SAFB: variants seen among roughly 807,000 people sequenced by gnomAD.
The protein encoded by SAFB is scaffold attachment factor B.
A neutral mutation model predicts 101.6 loss-of-function variants in SAFB; 15 were observed. The observed-to-expected ratio is 0.15, with a 90% CI of 0.10 to 0.23. The LOEUF (loss-of-function observed/expected upper bound fraction) is 0.23, where lower values mean the gene tolerates loss of function less well. Ranked by LOEUF, SAFB falls within the 10% of genes least tolerant of loss-of-function variation. The pLI is 1.00. For missense variants in SAFB, 930 were observed against 1,104.1 expected (o/e 0.84, Z 2.23); for synonymous variants, 449 against 407.5 (o/e 1.10, Z -1.23).
At chr19:5,643,540 C>G (rs972537746) in intron 4 of SAFB, among the ~76,000 whole-genome samples, 3 of 152,150 alleles carry the variant, frequency 2.0e-5, no homozygotes, top group African/African-American at 7.2e-5. Context: ...AAAGGAGTAG[C>G]AGAAACACTT....
At chr19:5,639,562 A>G (rs543979498) in intron 2 of SAFB, among the ~76,000 whole-genome samples, 63 of 151,810 alleles carry the variant, frequency 4.1e-4, no homozygotes, top group African/African-American at 1.5e-3. Flanking sequence ...GTGTAGTGGC[A>G]GGCGCCTGTA....
chr19:5,625,275 A>G (rs1354489110), intron 1 of SAFB, among the ~76,000 whole-genome samples: 1 of 152,212 alleles, frequency 6.6e-6, no homozygotes, highest in East Asian at 1.9e-4. Context: ...ACACCTGCCT[A>G]GGGCATTGCT....
At position 5,624,149 on chromosome 19, in the gene SAFB, G is replaced by A. The variant is rs1482100573; in HGVS notation, c.189+755G>A. On this transcript the variant is annotated intron_variant, in intron 1 of 20. Transcript: ENST00000588852. ...CTCCGTCAGTCTCTCTGGACTTGGG[G>A]ACCCTGCCAGCTCTCGGTGGCCTGA... 3 of 151,662 alleles carry A rather than the reference G, an allele frequency of 2.0e-5. No individual in the cohort carries two copies. The East Asian group carries it at 5.8e-4, about 30-fold the overall frequency. The allele number at this position is 151,662 out of a possible 1,614,324, so 9.4% of individuals were successfully genotyped here. A position where few individuals can be genotyped will look rare whatever the true frequency, so the allele number is the denominator to read the frequency against.
At chr19:5,635,418 G>A (rs1015756038) in intron 2 of SAFB, among the ~76,000 whole-genome samples, 11 of 152,096 alleles carry the variant, frequency 7.2e-5, no homozygotes, top group African/African-American at 2.4e-4. Flanking sequence ...TATAATGTAT[G>A]TAGATGCAAG....
At chr19:5,639,286 A>G (rs941698305) in intron 2 of SAFB, among the ~76,000 whole-genome samples, 1 of 152,230 alleles carries the variant, frequency 6.6e-6, no homozygotes, top group East Asian at 1.9e-4. Flanking sequence ...TTAAAACTTC[A>G]AAAGAACTAA....
chr19:5,634,216 T>C (rs1165904330), intron 2 of SAFB, among the ~76,000 whole-genome samples: 1 of 152,104 alleles, frequency 6.6e-6, no homozygotes, highest in Non-Finnish European at 1.5e-5. Context: ...TTCCTAGATA[T>C]GATGACTTTT....
rs750866144 is a variant in SAFB, at chr19:5,657,320, G to C, written c.1835G>C (p.Arg612Pro). The C allele has an allele frequency of 1.2e-6, 2 of 1,613,132 alleles. No homozygotes were observed. The highest frequency in any genetic ancestry group is 2.7e-5 in the African/African-American group (2 of 74,850). Residue 612 changes from arginine to proline, a missense_variant, in exon 14 of 21, where the codon CGG becomes CCG. Coordinates refer to ENST00000588852, the MANE Select transcript of SAFB (RefSeq NM_001201338.2). The part of the protein sequence containing the change: ...VVSFDKVKEP[R>P]KSRDSESHSR... Reference sequence around the variant, plus strand: ...TCCTTTGATAAGGTCAAGGAGCCTCGGAAGTCAAGAGACTCAGAGTCCCAT... The same window carrying C: ...TCCTTTGATAAGGTCAAGGAGCCTCCGAAGTCAAGAGACTCAGAGTCCCAT...
chr19:5,666,776 G>A, intron 17 of SAFB: 1 of 520,032 alleles, frequency 1.9e-6, no homozygotes, highest in South Asian at 2.2e-5. Context: ...ACTCCTGGTG[G>A]CCCTCCCAGC....
At chr19:5,650,915 T>C in intron 8 of SAFB, 63 bp from the exon 9 acceptor site, 2 of 1,050,202 alleles carry the variant, frequency 1.9e-6, no homozygotes, top group South Asian at 1.5e-5. Context: ...TTGGAAAGGT[T>C]GTCTCTAAGA....
In SAFB at chr19:5,661,776, G is replaced by A. The variant is rs780953971; in HGVS notation, c.2121G>A (p.Arg707=). The change falls in exon 15 of 21, where the codon CGG becomes CGA. Residue 707 remains arginine (R), a synonymous_variant. Coordinates refer to ENST00000588852, the MANE Select transcript of SAFB (RefSeq NM_001201338.2). ...QQELRYEQER[R]PAVRRPYDLD... is the part of the protein sequence containing the mutation. ...AACTGCGCTATGAGCAGGAGCGGCG[G>A]CCCGCGGTGCGGCGGCCCTACGACC... 2.6e-6 allele frequency: 4 copies of A among 1,566,488 alleles called. No individual in the cohort carries two copies. In the South Asian group the frequency reaches 4.6e-5, roughly 18 times the overall value.
In SAFB at chr19:5,653,160, C is replaced by T. The variant is rs2053976982; in HGVS notation, c.1339C>T (p.Arg447Cys). The stretch of plus-strand genomic sequence containing the variant: ...GACAAATGCCCGGAGTCCTGGAGCT[C>T]GCTGTTACGGTTTTGTCACGATGTC... ...VVTNARSPGARCYGFVTMSTA... is the reference protein window; with the variant it reads ...VVTNARSPGACCYGFVTMSTA... The change falls in exon 10 of 21, where the codon CGC (arginine) becomes TGC (cysteine). Residue 447 changes from arginine (R) to cysteine (C), a missense_variant. Transcript: ENST00000588852. 4 of 1,614,018 alleles carry T rather than the reference C, an allele frequency of 2.5e-6. No homozygotes were observed. The highest frequency in any genetic ancestry group is 1.1e-5 in the South Asian group (1 of 91,076).
At position 5,637,461 on chromosome 19, in the gene SAFB, G is replaced by A. The variant is rs368912145; in HGVS notation, c.275-4133G>A. Reference sequence around the variant, plus strand: ...TTGAGAGCCTAGGAGTTCAAGACCAGCCTGGGCAACATAGTGAGACCCCAC... The same window carrying A: ...TTGAGAGCCTAGGAGTTCAAGACCAACCTGGGCAACATAGTGAGACCCCAC... On this transcript the variant is annotated intron_variant, in intron 2 of 20. Coordinates refer to ENST00000588852, the MANE Select transcript of SAFB (RefSeq NM_001201338.2). Among the ~76,000 whole-genome samples, 125 of 151,804 alleles carry A rather than the reference G, an allele frequency of 8.2e-4. 1 individual carries two copies. The highest frequency in any genetic ancestry group is 3.0e-3 in the African/African-American group (123 of 41,368).
At position 5,668,343 on chromosome 19, in the gene SAFB, G is replaced by C. The variant is rs774828284; in HGVS notation, c.*52G>C. The stretch of plus-strand genomic sequence containing the variant: ...GTGGCAACAAGGCTATGTTCTGTTA[G>C]GAGTTACCTTAAACTGTGTAAAAAT... On this transcript the variant is annotated 3_prime_UTR_variant, in exon 21 of 21. Coordinates refer to ENST00000588852, the MANE Select transcript of SAFB (RefSeq NM_001201338.2). 22 of 1,585,084 alleles carry C rather than the reference G, an allele frequency of 1.4e-5. No homozygotes were observed. Among genetic ancestry groups the C allele is most frequent in the Non-Finnish European group, 1.8e-5 (21 of 1,170,420 alleles).
At chr19:5,660,535 A>G (rs1316341330) in intron 14 of SAFB, among the ~76,000 whole-genome samples, 3 of 151,368 alleles carry the variant, frequency 2.0e-5, no homozygotes, top group African/African-American at 2.4e-5. Flanking sequence ...GGGTCTCACT[A>G]TATTGTCCAG....
chr19:5,650,900 C>A, intron 8 of SAFB, 78 bp from the exon 9 acceptor site: 4 of 939,130 alleles, frequency 4.3e-6, no homozygotes, highest in Non-Finnish European at 6.6e-6. Context: ...GGAACCATGT[C>A]TCTTTTGGAA....
At chr19:5,644,359 T>G (rs1456790472) in intron 4 of SAFB, among the ~76,000 whole-genome samples, 1 of 152,198 alleles carries the variant, frequency 6.6e-6, no homozygotes, top group Non-Finnish European at 1.5e-5. Flanking sequence ...ACCATCAAAA[T>G]GAATTAAGCA....
chr19:5,647,895 A>G (rs1250004042), intron 5 of SAFB, 121 bp from the exon 6 acceptor site: 1 of 886,766 alleles, frequency 1.1e-6, no homozygotes, highest in Non-Finnish European at 1.9e-6. Flanking sequence ...CCACCTCTTG[A>G]GTTTGTGAGT....
At chr19:5,648,320 G>GA in intron 6 of SAFB, 1 of 445,490 alleles carries the variant, frequency 2.2e-6, no homozygotes, top group African/African-American at 2.0e-5. Flanking sequence ...ATCATACATA[G>GA]AGAAAGAGTT....
chr19:5,667,963 G>A lies in SAFB; in HGVS notation c.2624+77G>A. On this transcript the variant is annotated intron_variant, in intron 20 of 20. Transcript: ENST00000588852. The surrounding 1 kb of genome is among the most constrained non-coding windows in gnomAD (Gnocchi z 4.0). ...ACCTTGCTGGAGGCTTAACAACCAA[G>A]TCCTTCCAGCTAGTGCCCCTCCCCC... 1 of 1,482,506 alleles carries A rather than the reference G, an allele frequency of 6.7e-7. No individual in the cohort carries two copies. 91.8% of individuals were successfully genotyped at this position (1,482,506 alleles called of 1,614,324 possible).
Sources: allele counts gnomAD v4.1 joint callset (sites outside exome capture counted in the v4.1 genomes callset), GRCh38; gene constraint gnomAD v4.1.1; non-coding constraint Gnocchi (gnomAD v3.1); transcripts MANE v1.5; gene names NCBI Gene and HGNC (gene_info 2026-07-23, HGNC 2026-07-21).